Variants in ZFHX3 observed in about 807,000 individuals in gnomAD.
ZFHX3 encodes zinc finger homeobox 3.
A neutral mutation model predicts 279.1 loss-of-function variants in ZFHX3; 42 were observed. That is an observed-to-expected ratio of 0.15 (90% CI 0.12 to 0.19). The LOEUF (loss-of-function observed/expected upper bound fraction) is 0.19. Ranked by LOEUF, ZFHX3 falls within the 10% of genes least tolerant of loss-of-function variation. The pLI is 1.00. For synonymous variants in ZFHX3, 2,293 were observed against 1,957.8 expected (o/e 1.17, Z -4.52); for missense variants, 4,981 against 4,754.0 (o/e 1.05, Z -1.40).
In ZFHX3 at chr16:73,499,638, G is replaced by A. The variant is rs1030860275; in HGVS notation, c.-1546-43380C>T. On this transcript the variant is annotated intron_variant, in intron 2 of 17. Transcript: ENST00000641206. ...AATTTGAGAAAACCCAACTCTTTAGGAATGGAGACTACAGATGTATGAGGG... is the reference window on the plus strand; with the variant it reads ...AATTTGAGAAAACCCAACTCTTTAGAAATGGAGACTACAGATGTATGAGGG... 4 of 152,140 alleles carry A rather than the reference G, an allele frequency of 2.6e-5. No individual in the cohort carries two copies. In the South Asian group the frequency reaches 8.3e-4, roughly 32 times the overall value. 9.4% of individuals were successfully genotyped at this position (152,140 alleles called of 1,614,324 possible).
intron 1 of ZFHX3, among the ~76,000 whole-genome samples, chr16:73,887,576 G>A (rs1217451047): frequency 6.6e-6 from 1 of 152,028 alleles, no homozygotes; most frequent in Non-Finnish European, 1.5e-5. Context: ...AAAAAAGCAG[G>A]CTCTTGTCAG....
intron 3 of ZFHX3, among the ~76,000 whole-genome samples, chr16:73,379,976 A>G (rs2016791885): frequency 6.6e-6 from 1 of 152,236 alleles, no homozygotes; most frequent in South Asian, 2.1e-4. Flanking sequence ...GAGGAACTCT[A>G]GAATATAGCT....
chr16:73,712,553 C>T (rs1171232974), intron 1 of ZFHX3, among the ~76,000 whole-genome samples: 1 of 152,334 alleles, frequency 6.6e-6, no homozygotes, highest in Middle Eastern at 3.4e-3. Context: ...TCTTATGAGC[C>T]TCTCAGTGCC....
intron 1 of ZFHX3, among the ~76,000 whole-genome samples, chr16:72,980,044 G>A (rs981332600): frequency 1.3e-5 from 2 of 152,212 alleles, no homozygotes; most frequent in African/African-American, 2.4e-5. Context: ...ATCTCTTTGT[G>A]GAGGTAATAA....
chr16:73,079,565 C>T (rs1030432716), intron 8 of ZFHX3, among the ~76,000 whole-genome samples: 4 of 152,086 alleles, frequency 2.6e-5, no homozygotes, highest in African/African-American at 4.8e-5. Flanking sequence ...TCTTCAACTC[C>T]TGGCCTCAAG....
intron 1 of ZFHX3, among the ~76,000 whole-genome samples, chr16:73,701,111 A>T (rs954330916): frequency 3.9e-5 from 6 of 152,228 alleles, no homozygotes; most frequent in African/African-American, 1.4e-4. Context: ...GAGATGCAGA[A>T]GTTTAAATGG....
At chr16:72,887,473 A>G (rs2038655284) in intron 4 of ZFHX3, among the ~76,000 whole-genome samples, 1 of 152,146 alleles carries the variant, frequency 6.6e-6, no homozygotes, top group South Asian at 2.1e-4. Flanking sequence ...CCCAATTATT[A>G]TTTAATCATA....
intron 8 of ZFHX3, among the ~76,000 whole-genome samples, chr16:73,070,712 C>G (rs1965811874): frequency 7.7e-6 from 1 of 129,704 alleles, no homozygotes; most frequent in Non-Finnish European, 1.7e-5. Flanking sequence ...ACATCATTGT[C>G]TCTCTCTCTC....
At chr16:73,352,470 CTCTCTTTTTTTTTTT>C (rs894110794) in intron 3 of ZFHX3, among the ~76,000 whole-genome samples, 3 of 124,392 alleles carry the variant, frequency 2.4e-5, no homozygotes, top group African/African-American at 1.2e-4. Context: ...CTCTCTCTCT[CTCTCTTTTTTTTTTT>C]TTTTTTTTTT....
At chr16:73,601,910 C>G (rs1332887115) in intron 2 of ZFHX3, among the ~76,000 whole-genome samples, 2 of 152,148 alleles carry the variant, frequency 1.3e-5, no homozygotes, top group Non-Finnish European at 2.9e-5. Context: ...AGGAACAAAA[C>G]ACACCAACTT....
At chr16:73,023,621 A>G (rs1286698325) in intron 1 of ZFHX3, among the ~76,000 whole-genome samples, 1 of 152,184 alleles carries the variant, frequency 6.6e-6, no homozygotes, top group Non-Finnish European at 1.5e-5. Context: ...GAAGACCCCT[A>G]ATGCATCCTT....
intron 4 of ZFHX3, among the ~76,000 whole-genome samples, chr16:73,288,790 G>A (rs1368623915): frequency 1.3e-5 from 2 of 151,808 alleles, no homozygotes; most frequent in Admixed American, 6.6e-5. Flanking sequence ...GTATATCTTC[G>A]GTAAATAACC....
chr16:73,662,656 T>C (rs1203808651), intron 2 of ZFHX3, among the ~76,000 whole-genome samples: 1 of 152,236 alleles, frequency 6.6e-6, no homozygotes, highest in Non-Finnish European at 1.5e-5. Context: ...GGAATATGTT[T>C]CTTTCCTTTG....
At chr16:73,373,936 C>T (rs1446042543) in intron 3 of ZFHX3, among the ~76,000 whole-genome samples, 1 of 152,176 alleles carries the variant, frequency 6.6e-6, no homozygotes, top group African/African-American at 2.4e-5. Context: ...TATGTTATTG[C>T]ACATGAGATT....
chr16:73,682,454 T>A (rs2053020460), intron 1 of ZFHX3, among the ~76,000 whole-genome samples: 2 of 152,170 alleles, frequency 1.3e-5, no homozygotes, highest in South Asian at 4.1e-4. Context: ...AATGTCACCA[T>A]CTAGACAAAC....
chr16:72,901,612 G>A (rs1170008728), intron 3 of ZFHX3, among the ~76,000 whole-genome samples: 3 of 152,214 alleles, frequency 2.0e-5, no homozygotes, highest in Non-Finnish European at 4.4e-5. Context: ...CACTCTGGCT[G>A]ATGCAGACAT....
At chr16:72,837,756 T>C (rs1359499214) in intron 4 of ZFHX3, among the ~76,000 whole-genome samples, 1 of 150,640 alleles carries the variant, frequency 6.6e-6, no homozygotes, top group Non-Finnish European at 1.5e-5. Flanking sequence ...CACTCCACCA[T>C]CCCCAAATAA....
At chr16:73,184,860 G>A (rs1219827142) in intron 5 of ZFHX3, among the ~76,000 whole-genome samples, 1 of 152,204 alleles carries the variant, frequency 6.6e-6, no homozygotes, top group Admixed American at 6.5e-5. Context: ...AAATTCAACA[G>A]GTTATCCTGA....
At chr16:73,197,944 T>G (rs917020888) in intron 5 of ZFHX3, among the ~76,000 whole-genome samples, 3 of 137,408 alleles carry the variant, frequency 2.2e-5, no homozygotes, top group Admixed American at 7.3e-5. Flanking sequence ...TTTTTTTTTT[T>G]TTTTTTTTTT....
Sources: allele counts gnomAD v4.1 joint callset (sites outside exome capture counted in the v4.1 genomes callset), GRCh38; gene constraint gnomAD v4.1.1; transcripts MANE v1.5; gene names NCBI Gene and HGNC (gene_info 2026-07-23, HGNC 2026-07-21).